Variants in NCOA3 observed in about 807,000 individuals in gnomAD.
NCOA3 encodes CBP-interacting protein.
Under a neutral mutation model 158.8 loss-of-function variants are expected in NCOA3, and 51 were observed. The ratio of observed to expected loss-of-function variants is 0.32; its 90% CI spans 0.26 to 0.41. The LOEUF is 0.41. Ranked by LOEUF, NCOA3 falls within the 10% of genes least tolerant of loss-of-function variation. The pLI, the probability that NCOA3 is intolerant of heterozygous loss-of-function variation, is 1.00. For synonymous variants in NCOA3, 537 were observed against 592.4 expected (o/e 0.91, Z 1.36); for missense variants, 1,510 against 1,746.6 (o/e 0.86, Z 2.41).
rs1284757356 is a variant in NCOA3 at position 47,652,491 on chromosome 20, G to C, written c.4032G>C (p.Gln1344His). 1 of 1,614,100 alleles carries C rather than the reference G, an allele frequency of 6.2e-7. No individual in the cohort carries two copies. Among genetic ancestry groups the C allele is most frequent in the Admixed American group, 1.7e-5 (1 of 60,030 alleles). Residue 1344 changes from glutamine to histidine, a missense_variant, in exon 21 of 23, where the codon CAG becomes CAC. This residue lies in a region of NCOA3 where 180 missense variants were observed against 199.3 expected (regional missense o/e 0.90). Coordinates refer to ENST00000371998, the MANE Select transcript of NCOA3 (RefSeq NM_181659.3). ...TGTCGTCAAGAATGGGTCCCTCCCAGAATCCCATGATGCAACACCCGCAGG... is the reference window on the plus strand; with the variant it reads ...TGTCGTCAAGAATGGGTCCCTCCCACAATCCCATGATGCAACACCCGCAGG... ...AMMSSRMGPS[Q>H]NPMMQHPQAA...
At chr20:47,645,581 A>AT (rs11324068) in intron 17 of NCOA3, among the ~76,000 whole-genome samples, 95 of 149,852 alleles carry the variant, frequency 6.3e-4, no homozygotes, top group South Asian at 3.0e-3. Flanking sequence ...CCTTTTAAGT[A>AT]TTTTTTTTTT....
chr20:47,635,289 T>G (rs756203105), intron 10 of NCOA3, 33 bp from the exon 11 acceptor site: 1 of 1,533,600 alleles, frequency 6.5e-7, no homozygotes, highest in Non-Finnish European at 8.8e-7. Flanking sequence ...ATGCTTAGAA[T>G]TTTTTAGTAA....
intron 1 of NCOA3, among the ~76,000 whole-genome samples, chr20:47,504,396 G>A (rs2146036612): frequency 6.7e-6 from 1 of 150,212 alleles, no homozygotes; most frequent in Admixed American, 6.6e-5. Context: ...AAAAATGGTT[G>A]CTTACTAATG....
At chr20:47,514,354 GA>G (rs1212443086) in intron 1 of NCOA3, among the ~76,000 whole-genome samples, 1 of 151,708 alleles carries the variant, frequency 6.6e-6, no homozygotes, top group Non-Finnish European at 1.5e-5. Context: ...TTTTATAACT[GA>G]AAAAACAGTA....
At chr20:47,564,169 T>A (rs1315417390) in intron 1 of NCOA3, among the ~76,000 whole-genome samples, 5 of 151,486 alleles carry the variant, frequency 3.3e-5, no homozygotes, top group African/African-American at 1.2e-4. Flanking sequence ...AAAAAAAAAA[T>A]TTATGCACCT....
chr20:47,567,440 C>T (rs1480407696), intron 1 of NCOA3, among the ~76,000 whole-genome samples: 1 of 151,726 alleles, frequency 6.6e-6, no homozygotes, highest in East Asian at 1.9e-4. Context: ...ACTATTGGCC[C>T]AGGCTAGAGT....
intron 5 of NCOA3, among the ~76,000 whole-genome samples, chr20:47,625,895 A>G (rs1287528629): frequency 6.6e-6 from 1 of 152,270 alleles, no homozygotes. Flanking sequence ...TGTGATGACT[A>G]TATAGCACTT....
chr20:47,552,262 C>T (rs1439684681), intron 1 of NCOA3, among the ~76,000 whole-genome samples: 1 of 152,110 alleles, frequency 6.6e-6, no homozygotes, highest in African/African-American at 2.4e-5. Flanking sequence ...TTTAACCTGC[C>T]AGATTAGAAG....
chr20:47,552,274 C>A (rs2084937472), intron 1 of NCOA3, among the ~76,000 whole-genome samples: 1 of 152,102 alleles, frequency 6.6e-6, no homozygotes, highest in Admixed American at 6.6e-5. Context: ...GATTAGAAGG[C>A]CAATGGAAAA....
At chr20:47,554,391 C>T (rs2084969677) in intron 1 of NCOA3, among the ~76,000 whole-genome samples, 1 of 151,978 alleles carries the variant, frequency 6.6e-6, no homozygotes, top group South Asian at 2.1e-4. Flanking sequence ...TGTGCAGAAG[C>T]TCTTTAGTTT....
intron 2 of NCOA3, among the ~76,000 whole-genome samples, chr20:47,618,529 T>G (rs1022661802): frequency 1.3e-5 from 2 of 152,046 alleles, no homozygotes; most frequent in East Asian, 3.9e-4. Flanking sequence ...TAATTTTGTA[T>G]TTTTAGTAGA....
In NCOA3 at chr20:47,637,784, G is replaced by T; in HGVS notation, c.2512+1G>T. 6.3e-7 allele frequency: 1 copy of T among 1,582,292 alleles called. No homozygotes were observed. Among genetic ancestry groups the T allele is most frequent in the Non-Finnish European group, 8.6e-7 (1 of 1,169,348 alleles). On this transcript the variant is annotated splice_donor_variant, in intron 13 of 22. Coordinates refer to ENST00000371998, the MANE Select transcript of NCOA3 (RefSeq NM_181659.3). LOFTEE classifies it high-confidence loss of function. Reference sequence around the variant, plus strand: ...GTGTTTCAAGGAACTAATTCTCTGGGTAAGAATGAACTAGGTTTTTTTTTT... The same window carrying T: ...GTGTTTCAAGGAACTAATTCTCTGGTTAAGAATGAACTAGGTTTTTTTTTT...
chr20:47,544,907 A>G (rs2084803607), intron 1 of NCOA3, among the ~76,000 whole-genome samples: 1 of 152,130 alleles, frequency 6.6e-6, no homozygotes, highest in South Asian at 2.1e-4. Context: ...GGTCATCTGG[A>G]ATTCATTTTC....
intron 1 of NCOA3, among the ~76,000 whole-genome samples, chr20:47,560,639 A>G (rs2085084711): frequency 6.6e-6 from 1 of 152,188 alleles, no homozygotes; most frequent in Non-Finnish European, 1.5e-5. Flanking sequence ...CAGTCCTGTA[A>G]TAACAGATGA....
intron 1 of NCOA3, among the ~76,000 whole-genome samples, chr20:47,547,506 G>T (rs1280478422): frequency 6.6e-6 from 1 of 151,696 alleles, no homozygotes; most frequent in Non-Finnish European, 1.5e-5. Flanking sequence ...TCCACCTCCC[G>T]GGTTCACACC....
At chr20:47,586,703 T>C (rs2085541388) in intron 2 of NCOA3, among the ~76,000 whole-genome samples, 1 of 152,242 alleles carries the variant, frequency 6.6e-6, no homozygotes, top group Non-Finnish European at 1.5e-5. Flanking sequence ...TTATCTCTTA[T>C]GACATTGGCA....
chr20:47,626,667 G>A lies in NCOA3; in HGVS notation c.358-335G>A, dbSNP rs1037230085. Among the ~76,000 whole-genome samples, 4 of 152,196 alleles carry A rather than the reference G, an allele frequency of 2.6e-5. No homozygotes were observed. In the South Asian group the frequency reaches 6.2e-4, roughly 24 times the overall value. On this transcript the variant is annotated intron_variant, in intron 5 of 22. Coordinates refer to ENST00000371998, the MANE Select transcript of NCOA3 (RefSeq NM_181659.3). The stretch of plus-strand genomic sequence containing the variant: ...TAACAAAATACCACAGACTTGGTAG[G>A]TGAAACCAAATAAATTTATTTCTTA...
Position 47,653,512 on chromosome 20 carries a change from G to A in NCOA3, c.*95G>A. The A allele has an allele frequency of 1.4e-6, 2 of 1,424,566 alleles. No individual in the cohort carries two copies. The highest frequency in any genetic ancestry group is 9.8e-7 in the Non-Finnish European group (1 of 1,025,314). The allele number at this position is 1,424,566 out of a possible 1,614,324, so 88.2% of individuals were successfully genotyped here. The stretch of plus-strand genomic sequence containing the variant: ...AATCATTGTTCCAGGCATCCATCTT[G>A]GAAGAAAGGACCAGCTTTGAGCTCC... On this transcript the variant is annotated 3_prime_UTR_variant, in exon 23 of 23. Transcript: ENST00000371998.
At chr20:47,546,129 C>G (rs2084823907) in intron 1 of NCOA3, among the ~76,000 whole-genome samples, 1 of 152,156 alleles carries the variant, frequency 6.6e-6, no homozygotes, top group Non-Finnish European at 1.5e-5. Context: ...CAACATGTCC[C>G]AAACCAATCT....
Sources: gnomAD v4.1 joint callset for allele counts (sites outside exome capture counted in the v4.1 genomes callset) on GRCh38, gnomAD v4.1.1 for gene constraint, gnomAD v4.1.1 regional missense constraint, MANE v1.5 for transcripts, NCBI Gene and HGNC (gene_info 2026-07-23, HGNC 2026-07-21) for gene names.